Variants in ABCC12 observed in about 807,000 individuals in gnomAD.
ABCC12 encodes the protein ATP-binding cassette sub-family C member 12.
In ABCC12, 142 loss-of-function variants were observed where a neutral mutation model predicts 151.1. That is an observed-to-expected ratio of 0.94 (90% CI 0.82 to 1.08). The LOEUF (loss-of-function observed/expected upper bound fraction) is 1.08, where lower values mean the gene tolerates loss of function less well. ABCC12 is among the 50% of genes least tolerant of loss of function. The pLI, the probability that ABCC12 is intolerant of heterozygous loss-of-function variation, is 0.00. For missense variants in ABCC12, 1,638 were observed against 1,691.1 expected, an observed-to-expected ratio of 0.97 and a Z score of 0.55; for synonymous variants, 645 against 646.4, an observed-to-expected ratio of 1.00 and a Z score of 0.03.
intron 2 of ABCC12, among the ~76,000 whole-genome samples, chr16:48,148,364 G>C (rs1006726815): frequency 3.9e-5 from 6 of 151,988 alleles, no homozygotes; most frequent in Non-Finnish European, 8.8e-5. Flanking sequence ...AGCTTCCCAA[G>C]TAGCAGGGAC....
intron 9 of ABCC12, 67 bp downstream of exon 9, chr16:48,133,620 G>A (rs1412326103): frequency 1.9e-6 from 3 of 1,573,708 alleles, no homozygotes; most frequent in Admixed American, 3.5e-5. Context: ...ACGGTAGGAA[G>A]GGCTTCCCAC....
Position 48,096,860 on chromosome 16 carries a change from C to A in ABCC12, c.3081G>T (p.Leu1027=), listed in dbSNP as rs1567445467. 6.2e-7 allele frequency: 1 copy of A among 1,614,046 alleles called. No individual in the cohort carries two copies. The highest frequency in any genetic ancestry group is 1.3e-5 in the African/African-American group (1 of 74,916). The change falls in exon 24 of 31, where the codon CTG becomes CTT. Residue 1027 remains leucine, a synonymous_variant. Coordinates refer to ENST00000311303, the MANE Select transcript of ABCC12 (RefSeq NM_001393797.1). ...GGATGTTCATGAGGACATCCATTCT[C>A]AGCGCAAACCACCTGAGAGCACAGT... ...YFNCALRWFA[L]RMDVLMNILT... is the part of the protein sequence containing the mutation.
At chr16:48,154,425 A>T (rs1965156566) in intron 1 of ABCC12, among the ~76,000 whole-genome samples, 1 of 151,992 alleles carries the variant, frequency 6.6e-6, no homozygotes, top group Admixed American at 6.6e-5. Flanking sequence ...AGAGCTCTGT[A>T]TGTTCATGTG....
chr16:48,111,560 C>G lies in ABCC12; in HGVS notation c.2209+18G>C. ...TGTCCATTCAAGCCAAGGACAATAACAGGGATGGGATTCTAACCGATTATA... is the reference window on the plus strand; with the variant it reads ...TGTCCATTCAAGCCAAGGACAATAAGAGGGATGGGATTCTAACCGATTATA... On this transcript the variant is annotated intron_variant, in intron 17 of 30. Transcript: ENST00000311303. 1 of 1,614,200 alleles carries G rather than the reference C, an allele frequency of 6.2e-7. No individual in the cohort carries two copies. Among genetic ancestry groups the G allele is most frequent in the South Asian group, 1.1e-5 (1 of 91,086 alleles).
chr16:48,145,683 C>T (rs906725679), intron 3 of ABCC12, among the ~76,000 whole-genome samples: 3 of 152,240 alleles, frequency 2.0e-5, no homozygotes, highest in African/African-American at 7.2e-5. Context: ...GTGACCGAGC[C>T]TGGGCTAGCC....
chr16:48,124,670 G>C lies in ABCC12; in HGVS notation c.1516-386C>G, dbSNP rs1017576833. On this transcript the variant is annotated intron_variant, in intron 11 of 30. Transcript: ENST00000311303. ...GGATGCAAAAGGCTGTACAACCCAG[G>C]GGGACTAGGGTAGCTTTTGAAGTAT... 3.3e-5 allele frequency among the ~76,000 whole-genome samples: 5 copies of C among 152,302 alleles called. No homozygotes were observed. The South Asian group carries it at 1.0e-3, about 32-fold the overall frequency.
At chr16:48,112,570 G>C (rs931154187) in intron 15 of ABCC12, among the ~76,000 whole-genome samples, 10 of 152,130 alleles carry the variant, frequency 6.6e-5, no homozygotes, top group African/African-American at 2.4e-5. Context: ...ACTCCAGCCT[G>C]GATGACAGAG....
Position 48,088,095 on chromosome 16 carries a change from A to G in ABCC12, c.3476-10T>C. ...CCTAACGATGACTTTCCTGGGAACC[A>G]TAAAAGTAAGAACAACAAATCAAAC... On this transcript the variant is annotated splice_polypyrimidine_tract_variant and intron_variant, in intron 26 of 30. Transcript: ENST00000311303. 1 of 1,612,184 alleles carries G rather than the reference A, an allele frequency of 6.2e-7. No individual in the cohort carries two copies. Among genetic ancestry groups the G allele is most frequent in the Non-Finnish European group, 8.5e-7 (1 of 1,178,852 alleles).
chr16:48,127,197 C>T (rs1211518302), intron 11 of ABCC12, among the ~76,000 whole-genome samples: 1 of 152,160 alleles, frequency 6.6e-6, no homozygotes, highest in South Asian at 2.1e-4. Flanking sequence ...CCTTCTATAG[C>T]GCTTGCACAG....
intron 19 of ABCC12, among the ~76,000 whole-genome samples, chr16:48,107,721 G>C (rs1290437164): frequency 6.6e-6 from 1 of 152,184 alleles, no homozygotes; most frequent in Non-Finnish European, 1.5e-5. Context: ...GCCAAGGAAG[G>C]TCGGGCATGG....
At position 48,120,040 on chromosome 16, in the gene ABCC12, C is replaced by T. The variant is rs117836573; in HGVS notation, c.1712+1676G>A. Among the ~76,000 whole-genome samples the T allele has an allele frequency of 6.0e-3, 912 of 152,194 alleles. 1 individual carries two copies. Among genetic ancestry groups the T allele is most frequent in the Non-Finnish European group, 9.1e-3 (622 of 68,006 alleles). The stretch of plus-strand genomic sequence containing the variant: ...GCAATACACCAAGCTAAGCAAAGAA[C>T]CATAGGAAGCCATTACTTTCCAGAG... On this transcript the variant is annotated intron_variant, in intron 13 of 30. Transcript: ENST00000311303.
intron 23 of ABCC12, among the ~76,000 whole-genome samples, chr16:48,097,331 G>C (rs1216813559): frequency 2.0e-5 from 3 of 152,168 alleles, no homozygotes; most frequent in Non-Finnish European, 4.4e-5. Context: ...TAGAAAGGGT[G>C]GGGGTGGGTT....
In ABCC12 at chr16:48,139,199, GA is replaced by G. The variant is rs1201979459; in HGVS notation, c.794del (p.Ile265ThrfsTer30). On this transcript the variant is annotated frameshift_variant, in exon 7 of 31. Transcript: ENST00000311303. LOFTEE classifies it high-confidence loss of function. ...TGAATATGACATACACTGATATCCC[GA>G]TGAGAGCTGTGGGCCCCAGAATGAA... ...AFFILGPTAL[I>X]GISVYVIFIP... 6 of 1,613,294 alleles carry G rather than the reference GA, an allele frequency of 3.7e-6. No individual in the cohort carries two copies. Among genetic ancestry groups the G allele is most frequent in the Middle Eastern group, 3.3e-4 (2 of 6,084 alleles).
Position 48,140,783 on chromosome 16 carries a change from G to A in ABCC12, c.561C>T (p.Asn187=). 1.2e-6 allele frequency: 2 copies of A among 1,614,224 alleles called. No homozygotes were observed. Among genetic ancestry groups the A allele is most frequent in the Non-Finnish European group, 1.7e-6 (2 of 1,180,032 alleles). ...CCTTCAACCGGATGGCCGTGCGGTAGTTGATGGCCCAGGCAAGGGCCCAAA... is the reference window on the plus strand; with the variant it reads ...CCTTCAACCGGATGGCCGTGCGGTAATTGATGGCCCAGGCAAGGGCCCAAA... ...VFFWALAWAI[N]YRTAIRLKVA... Residue 187 remains asparagine, a synonymous_variant, in exon 6 of 31, where the codon AAC becomes AAT. Coordinates refer to ENST00000311303, the MANE Select transcript of ABCC12 (RefSeq NM_001393797.1).
At position 48,117,628 on chromosome 16, in the gene ABCC12, AC is replaced by A. The variant is rs1433082538; in HGVS notation, c.1713-296del. ...GCTGAACAGGAAAGCCCTGCAGGAA[AC>A]ACTGAGGGCGCCACCTGCTGGACGC... is the stretch of plus-strand genomic sequence containing the variant. On this transcript the variant is annotated intron_variant, in intron 13 of 30. Coordinates refer to ENST00000311303, the MANE Select transcript of ABCC12 (RefSeq NM_001393797.1). Among the ~76,000 whole-genome samples, 5 of 152,198 alleles carry A rather than the reference AC, an allele frequency of 3.3e-5. No individual in the cohort carries two copies. The East Asian group carries it at 9.6e-4, about 29-fold the overall frequency.
rs1418188078 is a variant in ABCC12 at position 48,082,323 on chromosome 16, C to A, written c.*1392G>T. Among the ~76,000 whole-genome samples, 2 of 152,318 alleles carry A rather than the reference C, an allele frequency of 1.3e-5. No homozygotes were observed. The highest frequency in any genetic ancestry group is 3.9e-4 in the East Asian group (2 of 5,178). ...TCACCTCCCCGCTGGTTGGGTAGAC[C>A]CCTGCCCAGGCCTGGCCGGAGGAGG... On this transcript the variant is annotated 3_prime_UTR_variant, in exon 31 of 31. Coordinates refer to ENST00000311303, the MANE Select transcript of ABCC12 (RefSeq NM_001393797.1).
rs775250850 is a variant in ABCC12, at chr16:48,108,518, G to A, written c.2293C>T (p.Gln765Ter). 1.9e-6 allele frequency: 3 copies of A among 1,613,914 alleles called. No individual in the cohort carries two copies. The highest frequency in any genetic ancestry group is 4.5e-5 in the East Asian group (2 of 44,876). Residue 765 changes from glutamine to a stop codon, truncating the protein, a stop_gained, in exon 19 of 31, where the codon CAG becomes TAG. Transcript: ENST00000311303. LOFTEE classifies it high-confidence loss of function. ...TGGGGGGATTCAGTCTGGATGAGCT[G>A]GTGCTCAGGAACTGTGGAGACAAAC... is the stretch of plus-strand genomic sequence containing the variant. ...EFVDTKVPEH[Q>*]LIQTESPQEG...
intron 8 of ABCC12, among the ~76,000 whole-genome samples, chr16:48,137,845 A>T (rs1339245769): frequency 1.3e-5 from 2 of 152,232 alleles, no homozygotes. Flanking sequence ...GCTGCAGGCA[A>T]AGAGGTCTGT....
rs1282928827 is a variant in ABCC12, at chr16:48,114,545, T to C, written c.1989+870A>G. The stretch of plus-strand genomic sequence containing the variant: ...CGGGACACTTGCTCTCCTGCTCCAA[T>C]AGGCCTTTCAACATAAGTCAATCCC... On this transcript the variant is annotated intron_variant, in intron 15 of 30. Transcript: ENST00000311303. 2.6e-5 allele frequency among the ~76,000 whole-genome samples: 4 copies of C among 152,110 alleles called. No homozygotes were observed. In the East Asian group the frequency reaches 7.7e-4, roughly 29 times the overall value.
Sources: allele counts gnomAD v4.1 joint callset (sites outside exome capture counted in the v4.1 genomes callset), GRCh38; gene constraint gnomAD v4.1.1; transcripts MANE v1.5; gene names NCBI Gene and HGNC (gene_info 2026-07-23, HGNC 2026-07-21).